Variants in PDE12 observed in about 807,000 individuals in gnomAD.
PDE12 encodes the protein 2',5'-phosphodiesterase 12.
In PDE12, 26 loss-of-function variants were observed where a neutral mutation model predicts 45.4. That is an observed-to-expected ratio of 0.57 (90% CI 0.42 to 0.79). The LOEUF is 0.79. Among genes scored for constraint, PDE12 ranks in the 30% least tolerant of loss-of-function variants. The pLI is 0.00. For missense variants in PDE12, 668 were observed against 790.0 expected, an observed-to-expected ratio of 0.85 and a Z score of 1.85; for synonymous variants, 283 against 323.9, an observed-to-expected ratio of 0.87 and a Z score of 1.36.
chr3:57,643,456 TCA>T, the PDE12 span, among the ~76,000 whole-genome samples: 29 of 152,246 alleles, frequency 1.9e-4, no homozygotes, highest in African/African-American at 6.3e-4. Flanking sequence ...GGTCTGGACC[TCA>T]CAGAGATATT....
At chr3:57,618,860 A>G in the PDE12 span, among the ~76,000 whole-genome samples, 1 of 151,852 alleles carries the variant, frequency 6.6e-6, no homozygotes, top group Non-Finnish European at 1.5e-5. Context: ...TGCTTGCCTC[A>G]GCCTCCCAAA....
At chr3:57,583,148 C>G in the PDE12 span, among the ~76,000 whole-genome samples, 5 of 152,296 alleles carry the variant, frequency 3.3e-5, no homozygotes, top group Admixed American at 3.3e-4. Flanking sequence ...CCAGTAGTAT[C>G]AGCACAACCC....
chr3:57,598,275 A>G, the PDE12 span: 1 of 152,198 alleles, frequency 6.6e-6, no homozygotes, highest in African/African-American at 2.4e-5. Flanking sequence ...CTATTTTTCT[A>G]GTAGTGCCGT....
chr3:57,640,193 C>T, the PDE12 span, among the ~76,000 whole-genome samples: 5 of 145,974 alleles, frequency 3.4e-5, no homozygotes, highest in South Asian at 2.2e-4. Flanking sequence ...CTCCTGAACC[C>T]GTGAAGCAGA....
downstream of PDE12, among the ~76,000 whole-genome samples, chr3:57,570,235 T>TC (rs1389797095): frequency 6.8e-6 from 1 of 147,804 alleles, no homozygotes; most frequent in African/African-American, 2.5e-5. Flanking sequence ...TTTTTTTTTT[T>TC]TTTTGGAGAC....
At chr3:57,569,244 C>T (rs1043352475), downstream of PDE12, among the ~76,000 whole-genome samples, 2 of 151,834 alleles carry the variant, frequency 1.3e-5, no homozygotes, top group East Asian at 3.9e-4. Flanking sequence ...TCTCCCAAAA[C>T]ATTTAAACCA....
At chr3:57,641,845 A>T in the PDE12 span, 1 of 961,970 alleles carries the variant, frequency 1.0e-6, no homozygotes, top group South Asian at 1.6e-5. Flanking sequence ...TGAACAATAC[A>T]CAGATTGATT....
chr3:57,612,588 T>G, the PDE12 span, among the ~76,000 whole-genome samples: 1 of 151,900 alleles, frequency 6.6e-6, no homozygotes, highest in Non-Finnish European at 1.5e-5. Context: ...CTGACCAACA[T>G]GGTGAAACCC....
At chr3:57,578,147 G>A in the PDE12 span, among the ~76,000 whole-genome samples, 8 of 152,232 alleles carry the variant, frequency 5.3e-5, no homozygotes, top group South Asian at 2.1e-4. Context: ...GGGATAGCGC[G>A]AGTGTGTACA....
At chr3:57,579,744 T>TAA in the PDE12 span, among the ~76,000 whole-genome samples, 1 of 152,174 alleles carries the variant, frequency 6.6e-6, no homozygotes, top group Non-Finnish European at 1.5e-5. Flanking sequence ...AACCATAACT[T>TAA]AATTTTTAAA....
the PDE12 span, among the ~76,000 whole-genome samples, chr3:57,632,055 C>A: frequency 3.2e-5 from 4 of 126,688 alleles, no homozygotes; most frequent in Non-Finnish European, 6.5e-5. Context: ...GAGTCTCACT[C>A]TTTCGCCCAG....
the PDE12 span, among the ~76,000 whole-genome samples, chr3:57,617,872 T>TAA: frequency 2.0e-3 from 280 of 137,838 alleles, 1 homozygote; most frequent in Non-Finnish European, 2.5e-3. Context: ...GACTCTGCCT[T>TAA]AAAAAAAAAA....
the PDE12 span, among the ~76,000 whole-genome samples, chr3:57,608,483 C>CA: frequency 1.3e-5 from 2 of 151,932 alleles, no homozygotes; most frequent in Non-Finnish European, 2.9e-5. Context: ...GTGCTGTATT[C>CA]AGGAGACCCA....
chr3:57,588,404 A>C, the PDE12 span, among the ~76,000 whole-genome samples: 1 of 152,202 alleles, frequency 6.6e-6, no homozygotes, highest in African/African-American at 2.4e-5. Flanking sequence ...TCTTTAAAGA[A>C]GAAAAAGTAA....
chr3:57,601,232 C>T, the PDE12 span, among the ~76,000 whole-genome samples: 24,613 of 151,998 alleles, frequency 0.16, 2,667 homozygotes, highest in East Asian at 0.48. Flanking sequence ...GTATCAGCCT[C>T]CGGGGTAGCT....
the PDE12 span, among the ~76,000 whole-genome samples, chr3:57,635,972 T>G: frequency 7.1e-4 from 108 of 152,318 alleles, 2 homozygotes; most frequent in African/African-American, 2.5e-3. Context: ...TCAATATATA[T>G]TTTATCTTCC....
the PDE12 span, among the ~76,000 whole-genome samples, chr3:57,603,926 ATTT>A: frequency 8.0e-6 from 1 of 125,504 alleles, no homozygotes; most frequent in Non-Finnish European, 1.7e-5. Context: ...CCAGCCCAGA[ATTT>A]TTTTTTTTTT....
chr3:57,591,577 G>A, the PDE12 span, among the ~76,000 whole-genome samples: 1 of 150,966 alleles, frequency 6.6e-6, no homozygotes, highest in East Asian at 2.0e-4. Flanking sequence ...AGGGATTCTC[G>A]TGCCTCGGCC....
chr3:57,569,070 A>G (rs2069811572), downstream of PDE12, among the ~76,000 whole-genome samples: 1 of 152,082 alleles, frequency 6.6e-6, no homozygotes, highest in Non-Finnish European at 1.5e-5. Flanking sequence ...GTCACAGAGA[A>G]CTCTTATTGC....
Sources: allele counts gnomAD v4.1 joint callset (sites outside exome capture counted in the v4.1 genomes callset), GRCh38; gene constraint gnomAD v4.1.1; transcripts MANE v1.5; gene names NCBI Gene and HGNC (gene_info 2026-07-23, HGNC 2026-07-21).